The following TBL1X variants were observed in gnomAD, a reference collection of about 807,000 sequenced individuals.
The protein encoded by TBL1X is F-box-like/WD repeat-containing protein TBL1X.
A neutral mutation model predicts 50.7 loss-of-function variants in TBL1X; 10 were observed. The observed-to-expected ratio is 0.20, with a 90% confidence interval of 0.12 to 0.33. TBL1X has a LOEUF of 0.33. Among genes scored for constraint, TBL1X ranks in the 10% least tolerant of loss-of-function variants. The pLI is 1.00. For synonymous variants in TBL1X, 190 were observed against 214.7 expected (o/e 0.88, Z 1.01); for missense variants, 340 against 504.4 (o/e 0.67, Z 3.12).
chrX:9,699,169 C>T (rs1414611186), intron 12 of TBL1X, among the ~76,000 whole-genome samples: 4 of 111,108 alleles, frequency 3.6e-5, no homozygotes, highest in South Asian at 3.9e-4. Context: ...TTAGTAGAAA[C>T]GGGGTTTCGC....
At chrX:9,521,430 G>A (rs1266743848) in intron 2 of TBL1X, among the ~76,000 whole-genome samples, 1 of 111,607 alleles carries the variant, frequency 9.0e-6, no homozygotes, top group Non-Finnish European at 1.9e-5. Flanking sequence ...GAGGCTGCTG[G>A]CCAGGGCTGA....
In TBL1X at chrX:9,477,572, G is replaced by A. The variant is rs760024734; in HGVS notation, c.-201+12125G>A. Among the ~76,000 whole-genome samples the A allele has an allele frequency of 1.2e-4, 13 of 112,048 alleles. No homozygotes were observed. The East Asian group carries it at 3.7e-3, about 32-fold the overall frequency. ...CCATTTGGCTTTGCCATAAATGTTT[G>A]CCCTTGGCTTGCCAAGACGTCAGCT... On this transcript the variant is annotated intron_variant, in intron 1 of 17. Coordinates refer to ENST00000645353, the MANE Select transcript of TBL1X (RefSeq NM_005647.4).
At chrX:9,536,149 C>G (rs1337562882) in intron 2 of TBL1X, among the ~76,000 whole-genome samples, 1 of 111,745 alleles carries the variant, frequency 8.9e-6, no homozygotes, top group Non-Finnish European at 1.9e-5. Flanking sequence ...TTTAAAGTAC[C>G]TTACAAGCTG....
chrX:9,605,857 G>T (rs1481259346), intron 2 of TBL1X, among the ~76,000 whole-genome samples: 1 of 112,257 alleles, frequency 8.9e-6, no homozygotes, highest in Admixed American at 9.4e-5. Context: ...AGATGTATTG[G>T]ATTAGTTTCT....
intron 7 of TBL1X, 57 bp downstream of exon 7, chrX:9,688,332 T>C (rs1306658165): frequency 4.9e-6 from 5 of 1,020,623 alleles, no homozygotes; most frequent in African/African-American, 1.9e-5. Context: ...TGTTTTCTTC[T>C]TGGGCAAATC....
intron 2 of TBL1X, among the ~76,000 whole-genome samples, chrX:9,529,877 A>C (rs2082151586): frequency 9.0e-6 from 1 of 110,708 alleles, no homozygotes; most frequent in Non-Finnish European, 1.9e-5. Flanking sequence ...TTGAGGCTGC[A>C]GTGAGCTGTG....
chrX:9,530,978 C>G (rs2082157014), intron 2 of TBL1X: 1 of 111,864 alleles, frequency 8.9e-6, no homozygotes, highest in Admixed American at 9.5e-5. Context: ...CTGGTAAAGC[C>G]CCGCCCCTCC....
At chrX:9,551,231 G>C (rs2082269534) in intron 2 of TBL1X, among the ~76,000 whole-genome samples, 1 of 110,797 alleles carries the variant, frequency 9.0e-6, no homozygotes, top group African/African-American at 3.3e-5. Flanking sequence ...TTGTGCTGCT[G>C]CAGTACCTTG....
chrX:9,496,836 G>A (rs1044752639), intron 1 of TBL1X, among the ~76,000 whole-genome samples: 3 of 111,617 alleles, frequency 2.7e-5, no homozygotes, highest in African/African-American at 6.5e-5. Flanking sequence ...ATGAGAGGAC[G>A]GTGGTTGTCT....
chrX:9,542,109 C>G (rs889267805), intron 2 of TBL1X, among the ~76,000 whole-genome samples: 2 of 111,046 alleles, frequency 1.8e-5, no homozygotes, highest in African/African-American at 3.3e-5. Context: ...CTAGTATGAA[C>G]TTTTGCCTAG....
intron 1 of TBL1X, among the ~76,000 whole-genome samples, chrX:9,470,795 C>T (rs184809809): frequency 0.01 from 1,146 of 110,795 alleles, 13 homozygotes; most frequent in African/African-American, 0.034. Context: ...CCACCATGCC[C>T]GGCTAATTTT....
intron 2 of TBL1X, among the ~76,000 whole-genome samples, chrX:9,521,871 G>A (rs1338091403): frequency 8.9e-6 from 1 of 111,851 alleles, no homozygotes; most frequent in African/African-American, 3.3e-5. Flanking sequence ...AGACTAAAAA[G>A]GACTACATGC....
At chrX:9,637,602 C>G (rs921057609) in intron 2 of TBL1X, 2 of 111,508 alleles carry the variant, frequency 1.8e-5, no homozygotes, top group Non-Finnish European at 3.8e-5. Context: ...ATGGTGTGAC[C>G]GAAGGAAACA....
chrX:9,651,932 C>G (rs1461803773), intron 3 of TBL1X, among the ~76,000 whole-genome samples: 1 of 112,437 alleles, frequency 8.9e-6, no homozygotes, highest in Non-Finnish European at 1.9e-5. Context: ...AACAGACGAC[C>G]ACACGTTTAG....
At chrX:9,508,576 C>A (rs939775600) in intron 2 of TBL1X, among the ~76,000 whole-genome samples, 1 of 112,090 alleles carries the variant, frequency 8.9e-6, no homozygotes, top group Non-Finnish European at 1.9e-5. Context: ...ACCCAGTAAT[C>A]CCATTTCTGG....
intron 17 of TBL1X, 126 bp downstream of exon 17, chrX:9,715,129 G>A: frequency 1.6e-6 from 1 of 634,480 alleles, no homozygotes; most frequent in South Asian, 2.8e-5. Flanking sequence ...GGAAGCTTCT[G>A]GGCTGGATCC....
chrX:9,483,123 C>G (rs1419003772), intron 1 of TBL1X, among the ~76,000 whole-genome samples: 1 of 111,255 alleles, frequency 9.0e-6, no homozygotes, highest in Non-Finnish European at 1.9e-5. Context: ...CCTCCTCTTT[C>G]AAGAGAGTTA....
chrX:9,705,575 C>G (rs952070579), intron 13 of TBL1X, among the ~76,000 whole-genome samples: 1 of 110,226 alleles, frequency 9.1e-6, no homozygotes, highest in Non-Finnish European at 1.9e-5. Flanking sequence ...AGCAACATAG[C>G]AAGACTCTGT....
intron 2 of TBL1X, among the ~76,000 whole-genome samples, chrX:9,519,848 G>A (rs958679253): frequency 1.8e-5 from 2 of 112,289 alleles, no homozygotes; most frequent in Admixed American, 1.9e-4. Context: ...TGACAGCCCA[G>A]ATGATTTTTC....
Sources: gnomAD v4.1 joint callset for allele counts (sites outside exome capture counted in the v4.1 genomes callset) on GRCh38, gnomAD v4.1.1 for gene constraint, MANE v1.5 for transcripts, NCBI Gene and HGNC (gene_info 2026-07-23, HGNC 2026-07-21) for gene names.